Variants in TOM1L2 observed in about 807,000 individuals in gnomAD.
TOM1L2 encodes the protein target of myb1 like 2 membrane trafficking protein, also known as TOM1-like protein 2.
A neutral mutation model predicts 67.9 loss-of-function variants in TOM1L2; 31 were observed. The observed-to-expected ratio is 0.46, with a 90% confidence interval of 0.34 to 0.62. TOM1L2 has a LOEUF of 0.62. Ranked by LOEUF, TOM1L2 falls within the 20% of genes least tolerant of loss-of-function variation. The pLI is 0.01. For missense variants in TOM1L2, 606 were observed against 663.5 expected (o/e 0.91, Z 0.95); for synonymous variants, 256 against 254.0 (o/e 1.01, Z -0.07).
rs62072026 is a variant in TOM1L2, at chr17:17,935,791, C to T, written c.53-28260G>A. Among the ~76,000 whole-genome samples the T allele has an allele frequency of 5.9e-3, 904 of 152,224 alleles. 6 individuals are homozygous for T. The highest frequency in any genetic ancestry group is 9.1e-3 in the Non-Finnish European group (616 of 68,006). Reference sequence around the variant, plus strand: ...TGATGAAATACAGTTGGCAAATCAACCTAAAAATATTCAACCTCAGCAGGA... The same window carrying T: ...TGATGAAATACAGTTGGCAAATCAATCTAAAAATATTCAACCTCAGCAGGA... On this transcript the variant is annotated intron_variant, in intron 1 of 14. Coordinates refer to ENST00000379504, the MANE Select transcript of TOM1L2 (RefSeq NM_001082968.2).
chr17:17,948,494 A>C (rs1039879468), intron 1 of TOM1L2, among the ~76,000 whole-genome samples: 18 of 152,130 alleles, frequency 1.2e-4, no homozygotes, highest in African/African-American at 1.9e-4. Context: ...TAAAAATACA[A>C]AACAAAAATC....
chr17:17,911,861 C>G (rs1411861110), intron 1 of TOM1L2, among the ~76,000 whole-genome samples: 3 of 147,258 alleles, frequency 2.0e-5, no homozygotes, highest in Non-Finnish European at 3.0e-5. Context: ...CGACTCTTAA[C>G]GAGCATGCTG....
chr17:17,861,360 G>A (rs2036549044), intron 12 of TOM1L2, 116 bp downstream of exon 12: 9 of 956,902 alleles, frequency 9.4e-6, no homozygotes, highest in Non-Finnish European at 1.3e-5. Context: ...TCTCCCCCAG[G>A]GTGTCCCTGC....
rs3183702 is a variant in TOM1L2, at chr17:17,843,975, A to G, written c.*3660T>C. ...AGGCGAGCACTTCAGGGGCTGACAG[A>G]CAATGTCTCTGGGGTGGAAACACTT... On this transcript the variant is annotated 3_prime_UTR_variant, in exon 15 of 15. Coordinates refer to ENST00000379504, the MANE Select transcript of TOM1L2 (RefSeq NM_001082968.2). 86,052 of 152,136 alleles carry G rather than the reference A, an allele frequency of 0.57. 25,377 individuals are homozygous for G. The highest frequency in any genetic ancestry group is 0.63 in the Non-Finnish European group (43,036 of 68,010). 9.4% of individuals were successfully genotyped at this position (152,136 alleles called of 1,614,324 possible).
chr17:17,873,044 A>C (rs968933181), intron 7 of TOM1L2, among the ~76,000 whole-genome samples: 1 of 152,230 alleles, frequency 6.6e-6, no homozygotes, highest in Non-Finnish European at 1.5e-5. Flanking sequence ...CAGACTTTCC[A>C]GAATATAGGT....
chr17:17,867,381 G>A (rs562382056), intron 8 of TOM1L2, among the ~76,000 whole-genome samples: 7 of 152,254 alleles, frequency 4.6e-5, no homozygotes, highest in South Asian at 4.1e-4. Context: ...GGAGGAAGGC[G>A]GACGCATGGC....
intron 12 of TOM1L2, among the ~76,000 whole-genome samples, chr17:17,855,481 A>C (rs2036209253): frequency 6.6e-6 from 1 of 152,234 alleles, no homozygotes; most frequent in African/African-American, 2.4e-5. Flanking sequence ...AAGAGAGGCA[A>C]AAAGACCTCA....
rs550450935 is a variant in TOM1L2, at chr17:17,924,417, G to T, written c.53-16886C>A. 3.3e-5 allele frequency among the ~76,000 whole-genome samples: 5 copies of T among 152,202 alleles called. No individual in the cohort carries two copies. The South Asian group carries it at 1.0e-3, about 32-fold the overall frequency. On this transcript the variant is annotated intron_variant, in intron 1 of 14. Transcript: ENST00000379504. ...ACCACTGACTTGTACATTGTAAATGGGTGAATTGTATGGCATATGAATTAT... is the reference window on the plus strand; with the variant it reads ...ACCACTGACTTGTACATTGTAAATGTGTGAATTGTATGGCATATGAATTAT...
chr17:17,864,614 C>T (rs1382853208), intron 10 of TOM1L2, among the ~76,000 whole-genome samples: 1 of 151,842 alleles, frequency 6.6e-6, no homozygotes, highest in Non-Finnish European at 1.5e-5. Context: ...CGGGTTCAAG[C>T]GATCCTCCTG....
intron 1 of TOM1L2, among the ~76,000 whole-genome samples, chr17:17,967,457 T>C (rs1001024918): frequency 6.6e-6 from 1 of 152,270 alleles, no homozygotes; most frequent in Non-Finnish European, 1.5e-5. Context: ...CCCATGTATG[T>C]CATCCAACTC....
intron 1 of TOM1L2, among the ~76,000 whole-genome samples, chr17:17,935,938 G>A (rs1265044938): frequency 6.6e-6 from 1 of 152,192 alleles, no homozygotes; most frequent in East Asian, 1.9e-4. Context: ...TCCCAGAAGG[G>A]AGGTCTTCCC....
rs573549413 is a variant in TOM1L2, at chr17:17,957,057, C to A, written c.52+15205G>T. ...ACAGTGGCACAATCATAGCTCGCTG[C>A]AGTCTCCACCTCCTGGGCTCAAGCA... On this transcript the variant is annotated intron_variant, in intron 1 of 14. Coordinates refer to ENST00000379504, the MANE Select transcript of TOM1L2 (RefSeq NM_001082968.2). Among the ~76,000 whole-genome samples the A allele has an allele frequency of 1.1e-4, 16 of 152,346 alleles. No homozygotes were observed. In the South Asian group the frequency reaches 1.2e-3, roughly 12 times the overall value.
intron 13 of TOM1L2, among the ~76,000 whole-genome samples, chr17:17,850,155 A>G (rs956364818): frequency 6.6e-6 from 1 of 151,920 alleles, no homozygotes; most frequent in African/African-American, 2.4e-5. Context: ...GAATCCAACT[A>G]CCCCATGACT....
At chr17:17,921,800 C>T (rs1568283159) in intron 1 of TOM1L2, among the ~76,000 whole-genome samples, 1 of 152,128 alleles carries the variant, frequency 6.6e-6, no homozygotes, top group African/African-American at 2.4e-5. Flanking sequence ...TCGGCCTCTT[C>T]GTGCAGTCTG....
At chr17:17,849,928 T>G (rs1027787391) in intron 13 of TOM1L2, among the ~76,000 whole-genome samples, 7 of 152,200 alleles carry the variant, frequency 4.6e-5, no homozygotes, top group Non-Finnish European at 8.8e-5. Context: ...AAGGCATGTG[T>G]TTGGAAAGCT....
chr17:17,945,653 CA>C (rs34749268), intron 1 of TOM1L2, among the ~76,000 whole-genome samples: 12 of 152,214 alleles, frequency 7.9e-5, no homozygotes, highest in African/African-American at 2.9e-4. Context: ...ATTTTGTGAG[CA>C]AAAGTGACCT....
At chr17:17,849,920 G>C (rs750372060) in intron 13 of TOM1L2, among the ~76,000 whole-genome samples, 5 of 152,344 alleles carry the variant, frequency 3.3e-5, no homozygotes, top group Non-Finnish European at 5.9e-5. Context: ...TCTTTGGCAA[G>C]GCATGTGTTT....
rs758412091 is a variant in TOM1L2 at position 17,909,388 on chromosome 17, T to C, written c.53-1857A>G. ...AAAGAATGGATAAGCCAAATGGATA[T>C]ACATATAATGGATTATTATTCAGCC... On this transcript the variant is annotated intron_variant, in intron 1 of 14. Transcript: ENST00000379504. Among the ~76,000 whole-genome samples, 363 of 152,194 alleles carry C rather than the reference T, an allele frequency of 2.4e-3. 2 individuals are homozygous for C. Among genetic ancestry groups the C allele is most frequent in the Non-Finnish European group, 2.2e-3 (152 of 68,006 alleles).
intron 1 of TOM1L2, among the ~76,000 whole-genome samples, chr17:17,924,526 G>T (rs1221793617): frequency 6.6e-6 from 1 of 152,106 alleles, no homozygotes; most frequent in Non-Finnish European, 1.5e-5. Flanking sequence ...TTAGCTGGGT[G>T]CAGTGGCTCA....
Sources: allele counts gnomAD v4.1 joint callset (sites outside exome capture counted in the v4.1 genomes callset), GRCh38; gene constraint gnomAD v4.1.1; transcripts MANE v1.5; gene names NCBI Gene and HGNC (gene_info 2026-07-23, HGNC 2026-07-21).